The following ZNF892 variants were observed in gnomAD, a reference collection of about 807,000 sequenced individuals.
ZNF892 encodes the protein zinc finger protein 892, also known as zinc finger protein 570-like.
At chr2:95,241,931 G>T in the ZNF892 span, among the ~76,000 whole-genome samples, 3 of 152,040 alleles carry the variant, frequency 2.0e-5, no homozygotes, top group Non-Finnish European at 2.9e-5. Context: ...AATGAGACAG[G>T]CAGACAAGAA....
chr2:95,233,238 C>T, the ZNF892 span, among the ~76,000 whole-genome samples: 3 of 150,714 alleles, frequency 2.0e-5, no homozygotes, highest in Non-Finnish European at 3.0e-5. Flanking sequence ...CTCACTCTGT[C>T]GCCCAGGTTG....
chr2:95,221,622 G>A, the ZNF892 span, among the ~76,000 whole-genome samples: 344 of 152,082 alleles, frequency 2.3e-3, 2 homozygotes, highest in Middle Eastern at 0.014. Context: ...ATCCTTTTTG[G>A]TCATCGAGTT....
the ZNF892 span, among the ~76,000 whole-genome samples, chr2:95,234,613 G>T: frequency 1.3e-5 from 2 of 152,204 alleles, no homozygotes; most frequent in Admixed American, 1.3e-4. Context: ...GGCCCAAGAG[G>T]ACAGGGTAGG....
chr2:95,237,450 T>G, the ZNF892 span, among the ~76,000 whole-genome samples: 1 of 152,148 alleles, frequency 6.6e-6, no homozygotes, highest in Non-Finnish European at 1.5e-5. Flanking sequence ...TGAACTTAAT[T>G]GATAAATGTG....
chr2:95,215,607 CTA>C, the ZNF892 span: 3 of 400,546 alleles, frequency 7.5e-6, no homozygotes, highest in South Asian at 2.5e-4. Context: ...TGGATAAAGA[CTA>C]TGTAAATGTG....
chr2:95,225,932 C>T, the ZNF892 span, among the ~76,000 whole-genome samples: 1 of 152,166 alleles, frequency 6.6e-6, no homozygotes, highest in Non-Finnish European at 1.5e-5. Context: ...TAAGCAAGTC[C>T]ACTCTGTGGC....
the ZNF892 span, among the ~76,000 whole-genome samples, chr2:95,217,737 C>T: frequency 6.6e-6 from 1 of 152,152 alleles, no homozygotes; most frequent in Admixed American, 6.5e-5. Flanking sequence ...CCCTCTTTTG[C>T]TCAATGCTCT....
At chr2:95,232,623 C>A in the ZNF892 span, among the ~76,000 whole-genome samples, 1 of 152,174 alleles carries the variant, frequency 6.6e-6, no homozygotes, top group African/African-American at 2.4e-5. Flanking sequence ...GACATTGGAG[C>A]TTCCACTTAC....
chr2:95,257,343 C>T, the ZNF892 span, among the ~76,000 whole-genome samples: 1 of 152,126 alleles, frequency 6.6e-6, no homozygotes, highest in African/African-American at 2.4e-5. Flanking sequence ...TACTCCAGAC[C>T]CTGTTTGCCT....
At chr2:95,235,060 A>G in the ZNF892 span, among the ~76,000 whole-genome samples, 1 of 152,150 alleles carries the variant, frequency 6.6e-6, no homozygotes, top group South Asian at 2.1e-4. Context: ...TGCACAACTC[A>G]TTGCTTGCTT....
chr2:95,262,549 C>T, the ZNF892 span, among the ~76,000 whole-genome samples: 1 of 152,218 alleles, frequency 6.6e-6, no homozygotes, highest in African/African-American at 2.4e-5. Context: ...TACACCTCCT[C>T]TCAGCCATCT....
chr2:95,207,650 C>A, the ZNF892 span: 4 of 395,066 alleles, frequency 1.0e-5, no homozygotes, highest in South Asian at 1.4e-4. Flanking sequence ...AACGCATCCC[C>A]TTTTAATCTG....
At chr2:95,255,673 G>A in the ZNF892 span, among the ~76,000 whole-genome samples, 1 of 152,208 alleles carries the variant, frequency 6.6e-6, no homozygotes, top group South Asian at 2.1e-4. Flanking sequence ...AATGTTGACA[G>A]TGGGGTGTTA....
chr2:95,214,151 A>T, the ZNF892 span, among the ~76,000 whole-genome samples: 1 of 152,050 alleles, frequency 6.6e-6, no homozygotes, highest in Non-Finnish European at 1.5e-5. Flanking sequence ...TTGTCCAGTC[A>T]TCTTTTTTTT....
the ZNF892 span, among the ~76,000 whole-genome samples, chr2:95,241,679 G>A: frequency 1.3e-5 from 2 of 152,156 alleles, no homozygotes; most frequent in Non-Finnish European, 2.9e-5. Context: ...GCTTCAGAAA[G>A]TGGGTAATAA....
At chr2:95,243,739 C>T in the ZNF892 span, among the ~76,000 whole-genome samples, 13 of 150,392 alleles carry the variant, frequency 8.6e-5, no homozygotes, top group Admixed American at 8.6e-4. Context: ...GCACCCCGCC[C>T]GGCCAGCCGC....
the ZNF892 span, among the ~76,000 whole-genome samples, chr2:95,210,142 T>A: frequency 6.7e-6 from 1 of 149,016 alleles, no homozygotes; most frequent in African/African-American, 2.5e-5. Flanking sequence ...TGTATACATG[T>A]ATATATGTAT....
the ZNF892 span, among the ~76,000 whole-genome samples, chr2:95,211,142 A>T: frequency 6.6e-6 from 1 of 152,214 alleles, no homozygotes; most frequent in Non-Finnish European, 1.5e-5. Flanking sequence ...TGTGACGTGT[A>T]GGAAACATCT....
chr2:95,215,464 AATGT>A, the ZNF892 span: 3 of 439,910 alleles, frequency 6.8e-6, no homozygotes, highest in Admixed American at 7.5e-5. Context: ...AAGTGTAAGG[AATGT>A]GGAAAAGCCT....
Sources: allele counts gnomAD v4.1 joint callset (sites outside exome capture counted in the v4.1 genomes callset), GRCh38; gene constraint gnomAD v4.1.1; transcripts MANE v1.5; gene names NCBI Gene and HGNC (gene_info 2026-07-23, HGNC 2026-07-21).